The following NUDCD1 variants were observed in gnomAD, a reference collection of about 807,000 sequenced individuals.
NUDCD1 encodes nudC domain-containing protein 1.
Under a neutral mutation model 67.8 loss-of-function variants are expected in NUDCD1, and 60 were observed. The ratio of observed to expected loss-of-function variants is 0.88; its 90% CI spans 0.72 to 1.10. NUDCD1 has a LOEUF of 1.10. Among genes scored for constraint, NUDCD1 ranks in the 50% least tolerant of loss-of-function variants. The pLI is 0.00. For synonymous variants in NUDCD1, 244 were observed against 230.8 expected (o/e 1.06, Z -0.52); for missense variants, 643 against 695.0 (o/e 0.93, Z 0.84).
chr8:109,256,920 A>C (rs932539125), intron 8 of NUDCD1, among the ~76,000 whole-genome samples: 4 of 152,102 alleles, frequency 2.6e-5, no homozygotes, highest in Admixed American at 2.6e-4. Context: ...AAATTACAGG[A>C]GATTAAAGAG....
chr8:109,318,245 T>C (rs78908257), intron 2 of NUDCD1, among the ~76,000 whole-genome samples: 2,475 of 152,296 alleles, frequency 0.016, 27 homozygotes, highest in Non-Finnish European at 0.022. Flanking sequence ...ATTATGAATA[T>C]GGATGGTACT....
At chr8:109,325,137 A>G (rs1044363005) in intron 1 of NUDCD1, among the ~76,000 whole-genome samples, 4 of 152,106 alleles carry the variant, frequency 2.6e-5, no homozygotes, top group African/African-American at 9.7e-5. Flanking sequence ...TCATACACGC[A>G]GCTAAAAAAG....
At chr8:109,329,658 G>T in intron 1 of NUDCD1, 1 of 670,246 alleles carries the variant, frequency 1.5e-6, no homozygotes, top group Non-Finnish European at 2.4e-6. Context: ...TGATAGCTAA[G>T]TTTAGTATCT....
intron 2 of NUDCD1, 56 bp from the exon 3 acceptor site, chr8:109,296,625 C>T: frequency 1.7e-6 from 2 of 1,165,070 alleles, no homozygotes; most frequent in South Asian, 3.0e-5. Context: ...TCCACACACA[C>T]AAAATAAATA....
At chr8:109,283,808 A>T (rs1586276989) in intron 5 of NUDCD1, among the ~76,000 whole-genome samples, 1 of 152,278 alleles carries the variant, frequency 6.6e-6, no homozygotes, top group East Asian at 1.9e-4. Flanking sequence ...AAAGAACAGT[A>T]TCTGCTACCA....
At chr8:109,333,118 T>C (rs928408933) in intron 1 of NUDCD1, among the ~76,000 whole-genome samples, 2 of 152,234 alleles carry the variant, frequency 1.3e-5, no homozygotes, top group Admixed American at 6.5e-5. Flanking sequence ...ATAAATCAAT[T>C]AGCATAAACT....
rs565192383 is a variant in NUDCD1, at chr8:109,280,072, T to A, written c.1028+896A>T. Among the ~76,000 whole-genome samples the A allele has an allele frequency of 3.9e-5, 6 of 152,352 alleles. No homozygotes were observed. The South Asian group carries it at 1.2e-3, about 32-fold the overall frequency. ...TCCACTTTTAGAAATTTATCCTTCA[T>A]ATATATTTCTACACATGTGAAATAA... On this transcript the variant is annotated intron_variant, in intron 6 of 9. Coordinates refer to ENST00000239690, the MANE Select transcript of NUDCD1 (RefSeq NM_032869.4).
rs1336489312 is a variant in NUDCD1, at chr8:109,241,965, A to T, written c.*1044T>A. 1 of 396,826 alleles carries T rather than the reference A, an allele frequency of 2.5e-6. No individual in the cohort carries two copies. Among genetic ancestry groups the T allele is most frequent in the Non-Finnish European group, 4.4e-6 (1 of 224,898 alleles). The allele number at this position is 396,826 out of a possible 1,614,324, so 24.6% of individuals were successfully genotyped here. ...CAAACCTGGAAAGGTAAGTTTGAAA[A>T]AACAAAATTTGTGGCAAGAAACTAT... is the stretch of plus-strand genomic sequence containing the variant. On this transcript the variant is annotated 3_prime_UTR_variant, in exon 10 of 10. Transcript: ENST00000239690.
intron 1 of NUDCD1, among the ~76,000 whole-genome samples, chr8:109,323,763 G>C (rs1426758635): frequency 1.3e-5 from 2 of 152,102 alleles, no homozygotes; most frequent in Non-Finnish European, 1.5e-5. Context: ...CATGCTCATG[G>C]ATCAGAAATA....
At position 109,306,181 on chromosome 8, in the gene NUDCD1, G is replaced by A. The variant is rs186698427; in HGVS notation, c.274-9612C>T. 1.3e-3 allele frequency among the ~76,000 whole-genome samples: 191 copies of A among 152,240 alleles called. 1 individual carries two copies. Among genetic ancestry groups the A allele is most frequent in the Non-Finnish European group, 7.4e-4 (50 of 68,018 alleles). On this transcript the variant is annotated intron_variant, in intron 2 of 9. Coordinates refer to ENST00000239690, the MANE Select transcript of NUDCD1 (RefSeq NM_032869.4). ...CACTTTTCTTCCAAACTATCGTAGT[G>A]GATATCCTCTGGTACTAGCCCCAAT...
chr8:109,281,226 C>T (rs956654757), intron 5 of NUDCD1, 54 bp from the exon 6 acceptor site: 3 of 1,176,056 alleles, frequency 2.6e-6, no homozygotes, highest in Admixed American at 1.9e-5. Flanking sequence ...AAAGCATACA[C>T]ACACACAAAA....
chr8:109,319,246 T>C (rs1340873870), intron 2 of NUDCD1, among the ~76,000 whole-genome samples: 1 of 152,158 alleles, frequency 6.6e-6, no homozygotes, highest in African/African-American at 2.4e-5. Flanking sequence ...GTGCTGGGAT[T>C]ACAGGCGTGA....
intron 1 of NUDCD1, among the ~76,000 whole-genome samples, chr8:109,327,329 T>G (rs1815701439): frequency 6.6e-6 from 1 of 152,140 alleles, no homozygotes; most frequent in African/African-American, 2.4e-5. Flanking sequence ...TCCATAAGGG[T>G]AGAGATGAGT....
intron 5 of NUDCD1, among the ~76,000 whole-genome samples, chr8:109,287,889 T>C (rs1814612664): frequency 6.6e-6 from 1 of 152,208 alleles, no homozygotes; most frequent in African/African-American, 2.4e-5. Context: ...TTGTTGAATG[T>C]ATACAAACAC....
intron 7 of NUDCD1, among the ~76,000 whole-genome samples, chr8:109,272,900 A>G (rs1814190276): frequency 6.6e-6 from 1 of 152,186 alleles, no homozygotes; most frequent in South Asian, 2.1e-4. Context: ...GCCATTGTGC[A>G]CAGTGACTCA....
chr8:109,281,495 A>C (rs1814438342), intron 5 of NUDCD1, among the ~76,000 whole-genome samples: 1 of 151,290 alleles, frequency 6.6e-6, no homozygotes, highest in Admixed American at 6.6e-5. Context: ...CCTTTAAACA[A>C]ACACACACAC....
At chr8:109,298,653 C>A (rs1264673827) in intron 2 of NUDCD1, 1 of 152,078 alleles carries the variant, frequency 6.6e-6, no homozygotes, top group African/African-American at 2.4e-5. Flanking sequence ...ATAAATATAA[C>A]CCAGGGCTAA....
chr8:109,273,541 G>A (rs770644534), intron 7 of NUDCD1, among the ~76,000 whole-genome samples: 19 of 151,602 alleles, frequency 1.3e-4, no homozygotes, highest in Non-Finnish European at 1.9e-4. Flanking sequence ...GTAAACAAAA[G>A]GAAGAACATA....
rs181121562 is a variant in NUDCD1 at position 109,308,029 on chromosome 8, G to A, written c.274-11460C>T. ...AGACAGCAACACAATAATAGTGGGG[G>A]ACTTCAATGCTCCACTAACAGCCCT... On this transcript the variant is annotated intron_variant, in intron 2 of 9. Transcript: ENST00000239690. Among the ~76,000 whole-genome samples the A allele has an allele frequency of 1.8e-3, 275 of 152,146 alleles. 1 individual carries two copies. The highest frequency in any genetic ancestry group is 6.3e-3 in the African/African-American group (261 of 41,492).
Sources: gnomAD v4.1 joint callset for allele counts (sites outside exome capture counted in the v4.1 genomes callset) on GRCh38, gnomAD v4.1.1 for gene constraint, MANE v1.5 for transcripts, NCBI Gene and HGNC (gene_info 2026-07-23, HGNC 2026-07-21) for gene names.